Variants in SERINC5 observed in about 807,000 individuals in gnomAD.
SERINC5 encodes chromosome 5 open reading frame 12.
Under a neutral mutation model 63.1 loss-of-function variants are expected in SERINC5, and 41 were observed. The observed-to-expected ratio is 0.65, with a 90% CI of 0.51 to 0.84. The LOEUF (loss-of-function observed/expected upper bound fraction) is 0.84. Ranked by LOEUF, SERINC5 falls within the 40% of genes least tolerant of loss-of-function variation. The pLI is 0.00. For missense variants in SERINC5, 523 were observed against 573.0 expected (o/e 0.91, Z 0.89); for synonymous variants, 222 against 215.2 (o/e 1.03, Z -0.28).
At chr5:80,205,910 AAATACAAAAC>A (rs1414659342) in intron 1 of SERINC5, among the ~76,000 whole-genome samples, 7 of 149,408 alleles carry the variant, frequency 4.7e-5, no homozygotes, top group Non-Finnish European at 7.4e-5. Flanking sequence ...CGTCTCTACT[AAATACAAAAC>A]AAAACAAAAC....
chr5:80,189,837 C>T (rs1209420264), intron 2 of SERINC5, among the ~76,000 whole-genome samples: 6 of 151,978 alleles, frequency 3.9e-5, no homozygotes, highest in African/African-American at 1.5e-4. Context: ...TCAGCCTTCC[C>T]AGAAGCTGGG....
intron 1 of SERINC5, among the ~76,000 whole-genome samples, chr5:80,243,634 G>A (rs1013687843): frequency 6.6e-6 from 1 of 151,878 alleles, no homozygotes; most frequent in African/African-American, 2.4e-5. Flanking sequence ...GGCTGGGCAT[G>A]GTGGCTCACA....
rs150747396 is a variant in SERINC5 at position 80,239,373 on chromosome 5, G to A, written c.27+16523C>T. Among the ~76,000 whole-genome samples, 274 of 150,932 alleles carry A rather than the reference G, an allele frequency of 1.8e-3. 2 individuals carry two copies. The highest frequency in any genetic ancestry group is 0.017 in the Middle Eastern group (5 of 290). On this transcript the variant is annotated intron_variant, in intron 1 of 11. Coordinates refer to ENST00000507668, the MANE Select transcript of SERINC5 (RefSeq NM_001174072.3). ...GTGTGCTAAAAGGTCTGATATTTTG[G>A]CTTCTTAGTGAAATTTCTCATACCC...
At chr5:80,132,255 G>C (rs543790195) in intron 11 of SERINC5, among the ~76,000 whole-genome samples, 17 of 152,246 alleles carry the variant, frequency 1.1e-4, no homozygotes, top group Non-Finnish European at 2.1e-4. Flanking sequence ...CGGGCCACAG[G>C]GGAGTAGGCA....
chr5:80,136,702 G>C (rs1745191224), downstream of SERINC5, among the ~76,000 whole-genome samples: 1 of 152,154 alleles, frequency 6.6e-6, no homozygotes, highest in Non-Finnish European at 1.5e-5. Context: ...AACAACATCT[G>C]ATAAGGGGTT....
chr5:80,189,808 C>T (rs1348827586), intron 2 of SERINC5, among the ~76,000 whole-genome samples: 4 of 152,102 alleles, frequency 2.6e-5, no homozygotes, highest in Non-Finnish European at 4.4e-5. Flanking sequence ...AACTCCTAGA[C>T]GCAAGCCATC....
chr5:80,214,469 C>T (rs1260556735), intron 1 of SERINC5, among the ~76,000 whole-genome samples: 1 of 151,694 alleles, frequency 6.6e-6, no homozygotes, highest in East Asian at 1.9e-4. Flanking sequence ...TTGTTAAATG[C>T]ATCAGACAAT....
rs188025573 is a variant in SERINC5, at chr5:80,199,426, A to G, written c.195+3460T>C. ...AAAACCTGACACATGGTATCACTCA[A>G]TAATTAGCTATTGAAATAGTTATTA... On this transcript the variant is annotated intron_variant, in intron 2 of 11. Transcript: ENST00000507668. 8.5e-5 allele frequency among the ~76,000 whole-genome samples: 13 copies of G among 152,350 alleles called. No homozygotes were observed. The East Asian group carries it at 2.5e-3, about 29-fold the overall frequency.
chr5:80,202,804 A>T (rs7723756), intron 2 of SERINC5, 82 bp downstream of exon 2: 1 of 1,384,098 alleles, frequency 7.2e-7, no homozygotes, highest in Non-Finnish European at 9.9e-7. Context: ...GGGTACATGG[A>T]CCCCATCTTC....
chr5:80,158,978 C>A lies in SERINC5; in HGVS notation c.860-16G>T, dbSNP rs948779300. On this transcript the variant is annotated splice_polypyrimidine_tract_variant and intron_variant, in intron 7 of 11. Coordinates refer to ENST00000507668, the MANE Select transcript of SERINC5 (RefSeq NM_001174072.3). ...TCATCTAGAACTTGAAAAGAAAAAA[C>A]AAAGTCATCACAGTCAAGTACAAAG... The A allele has an allele frequency of 2.5e-6, 4 of 1,612,752 alleles. No individual in the cohort carries two copies. In the African/African-American group the frequency reaches 4.0e-5, roughly 16 times the overall value.
intron 2 of SERINC5, among the ~76,000 whole-genome samples, chr5:80,179,213 T>C (rs886141696): frequency 2.6e-5 from 4 of 152,028 alleles, no homozygotes; most frequent in Admixed American, 1.3e-4. Flanking sequence ...GCAGGAGAAC[T>C]GCTTGAACCT....
At chr5:80,124,143 T>C (rs975810915) in intron 11 of SERINC5, among the ~76,000 whole-genome samples, 3 of 152,066 alleles carry the variant, frequency 2.0e-5, no homozygotes, top group Non-Finnish European at 2.9e-5. Flanking sequence ...AGCAAAGCAA[T>C]AACCCCCTTA....
intron 1 of SERINC5, among the ~76,000 whole-genome samples, chr5:80,252,436 G>C (rs1752470722): frequency 6.6e-6 from 1 of 152,102 alleles, no homozygotes; most frequent in South Asian, 2.1e-4. Flanking sequence ...GGAGAACAAG[G>C]AAGCCCTGTG....
chr5:80,199,241 C>T (rs1749685526), intron 2 of SERINC5, among the ~76,000 whole-genome samples: 1 of 152,152 alleles, frequency 6.6e-6, no homozygotes, highest in African/African-American at 2.4e-5. Context: ...AGATTCAAAT[C>T]CTAACCCCAC....
At position 80,255,934 on chromosome 5, in the gene SERINC5, A is replaced by G; in HGVS notation, c.-12T>C. ...CACTGAGCTGACATCGCGGCGGCCA[A>G]TGCCGAAGGCGCGCTCGCTGGCTCC... On this transcript the variant is annotated 5_prime_UTR_variant, in exon 1 of 12. Coordinates refer to ENST00000507668, the MANE Select transcript of SERINC5 (RefSeq NM_001174072.3). 4 of 1,549,742 alleles carry G rather than the reference A, an allele frequency of 2.6e-6. No homozygotes were observed. Among genetic ancestry groups the G allele is most frequent in the Non-Finnish European group, 3.5e-6 (4 of 1,156,768 alleles).
chr5:80,155,516 T>A (rs1418655745), intron 8 of SERINC5, among the ~76,000 whole-genome samples: 3 of 146,552 alleles, frequency 2.0e-5, no homozygotes, highest in Non-Finnish European at 3.0e-5. Context: ...GAGGTTGCAG[T>A]GAGCTGAGAT....
intron 5 of SERINC5, among the ~76,000 whole-genome samples, chr5:80,170,585 C>T (rs1747584102): frequency 6.6e-6 from 1 of 152,210 alleles, no homozygotes; most frequent in Non-Finnish European, 1.5e-5. Context: ...TAGCTACCTA[C>T]AGACTTTATT....
chr5:80,140,104 C>T lies in SERINC5; in HGVS notation c.*3559G>A. 1.1e-6 allele frequency: 1 copy of T among 935,198 alleles called. No individual in the cohort carries two copies. The highest frequency in any genetic ancestry group is 5.5e-4 in the Middle Eastern group (1 of 1,824). The allele number at this position is 935,198 out of a possible 1,614,324, so 57.9% of individuals were successfully genotyped here. Reference sequence around the variant, plus strand: ...CAGCACTTTGGGAAGCCAAGGCGGGCACATTGCTTGAGCTCAGGAGTTTGA... The same window carrying T: ...CAGCACTTTGGGAAGCCAAGGCGGGTACATTGCTTGAGCTCAGGAGTTTGA... On this transcript the variant is annotated 3_prime_UTR_variant, in exon 12 of 12. Transcript: ENST00000507668.
At chr5:80,255,819 G>T in intron 1 of SERINC5, 77 bp downstream of exon 1, 1 of 1,474,028 alleles carries the variant, frequency 6.8e-7, no homozygotes, top group Non-Finnish European at 9.2e-7. Flanking sequence ...AGCGCACCCA[G>T]GCAGGTCCTC....
Sources: allele counts gnomAD v4.1 joint callset (sites outside exome capture counted in the v4.1 genomes callset), GRCh38; gene constraint gnomAD v4.1.1; transcripts MANE v1.5; gene names NCBI Gene and HGNC (gene_info 2026-07-23, HGNC 2026-07-21).